Variants in SLC35F4 observed in about 807,000 individuals in gnomAD.
The protein encoded by SLC35F4 is solute carrier family 35 member F4, also known as chromosome 14 open reading frame 36.
SLC35F4 carries 24 observed loss-of-function variants against 44.2 expected under a neutral mutation model. That is an observed-to-expected ratio of 0.54 (90% confidence interval 0.39 to 0.76). The LOEUF is 0.76. SLC35F4 is among the 30% of genes least tolerant of loss of function. SLC35F4 has a pLI of 0.00. For missense variants in SLC35F4, 562 were observed against 586.1 expected (o/e 0.96, Z 0.42); for synonymous variants, 238 against 223.6 (o/e 1.06, Z -0.57).
intron 1 of SLC35F4, among the ~76,000 whole-genome samples, chr14:57,687,586 A>T (rs978130544): frequency 2.6e-5 from 4 of 152,154 alleles, no homozygotes; most frequent in Non-Finnish European, 5.9e-5. Context: ...CAGCAGAGCT[A>T]ACACTTTCCC....
intron 1 of SLC35F4, among the ~76,000 whole-genome samples, chr14:57,871,423 T>C (rs912896336): frequency 6.8e-6 from 1 of 147,200 alleles, no homozygotes; most frequent in Non-Finnish European, 1.5e-5. Flanking sequence ...CAAATAAAGA[T>C]TTTTTTAAAC....
chr14:57,710,198 G>A (rs1364969210), intron 1 of SLC35F4, among the ~76,000 whole-genome samples: 1 of 152,230 alleles, frequency 6.6e-6, no homozygotes, highest in Non-Finnish European at 1.5e-5. Context: ...GCTAAAAGGG[G>A]CCAAGGTACT....
chr14:57,610,639 G>A (rs1555557), intron 1 of SLC35F4, among the ~76,000 whole-genome samples: 107,152 of 151,816 alleles, frequency 0.71, 38,607 homozygotes, highest in Middle Eastern at 0.79. Context: ...AATGTTGTAG[G>A]AGCATGGAAG....
intron 1 of SLC35F4, among the ~76,000 whole-genome samples, chr14:57,661,872 C>G (rs2074149015): frequency 6.6e-6 from 1 of 152,146 alleles, no homozygotes; most frequent in Non-Finnish European, 1.5e-5. Context: ...ATAATGACCA[C>G]ACACTGAGAA....
chr14:57,690,383 G>A (rs1046434887), intron 1 of SLC35F4, among the ~76,000 whole-genome samples: 3 of 152,082 alleles, frequency 2.0e-5, no homozygotes, highest in African/African-American at 7.2e-5. Context: ...AAATTCAACT[G>A]GGCTAGATTG....
rs368809910 is a variant in SLC35F4 at position 57,727,863 on chromosome 14, T to C, written c.104-133739A>G. Among the ~76,000 whole-genome samples, 62 of 152,362 alleles carry C rather than the reference T, an allele frequency of 4.1e-4. No homozygotes were observed. In the South Asian group the frequency reaches 0.012, roughly 29 times the overall value. On this transcript the variant is annotated intron_variant, in intron 1 of 7. Transcript: ENST00000556826. ...GAGGAAATCATGTATTGTGCAGCCATTGGATGAAATGTTCTGTAAATATCT... is the reference window on the plus strand; with the variant it reads ...GAGGAAATCATGTATTGTGCAGCCACTGGATGAAATGTTCTGTAAATATCT...
At chr14:57,581,092 G>C in intron 4 of SLC35F4, 122 bp downstream of exon 4, 2 of 1,015,228 alleles carry the variant, frequency 2.0e-6, no homozygotes, top group Non-Finnish European at 2.7e-6. Flanking sequence ...ATTTCGGTTT[G>C]TACTCAGAAC....
At chr14:57,701,642 A>T (rs190466509) in intron 1 of SLC35F4, among the ~76,000 whole-genome samples, 1 of 152,306 alleles carries the variant, frequency 6.6e-6, no homozygotes, top group African/African-American at 2.4e-5. Flanking sequence ...TCACGGGACC[A>T]CTGTTGCGTA....
At chr14:57,810,030 T>C (rs886327815) in intron 1 of SLC35F4, among the ~76,000 whole-genome samples, 1 of 152,232 alleles carries the variant, frequency 6.6e-6, no homozygotes, top group Non-Finnish European at 1.5e-5. Context: ...AACGATCTAC[T>C]GTCATTTTAA....
intron 1 of SLC35F4, among the ~76,000 whole-genome samples, chr14:57,675,036 T>A (rs2074644060): frequency 2.0e-5 from 3 of 152,110 alleles, no homozygotes; most frequent in Admixed American, 1.3e-4. Flanking sequence ...GAGAACTGTA[T>A]CCCAACACTG....
intron 1 of SLC35F4, among the ~76,000 whole-genome samples, chr14:57,650,240 C>G (rs141003305): frequency 7.7e-4 from 117 of 152,214 alleles, no homozygotes; most frequent in African/African-American, 2.7e-3. Flanking sequence ...TGTCTCTAGC[C>G]TTGGCTTTCC....
intron 1 of SLC35F4, among the ~76,000 whole-genome samples, chr14:57,811,149 T>C (rs911773375): frequency 1.3e-5 from 2 of 152,180 alleles, no homozygotes; most frequent in Non-Finnish European, 2.9e-5. Context: ...TGAACTTAAC[T>C]ACCCAGTATT....
chr14:57,751,080 T>C (rs1456481209), intron 1 of SLC35F4, among the ~76,000 whole-genome samples: 3 of 152,202 alleles, frequency 2.0e-5, no homozygotes, highest in Admixed American at 2.0e-4. Context: ...GTGTCAAACA[T>C]GGGGCAGGGA....
chr14:57,876,710 A>C (rs1888406879), intron 1 of SLC35F4, among the ~76,000 whole-genome samples: 1 of 152,170 alleles, frequency 6.6e-6, no homozygotes, highest in South Asian at 2.1e-4. Flanking sequence ...AAAATTCTTA[A>C]ATTTTCATAA....
chr14:57,783,711 T>C (rs1238586866), intron 1 of SLC35F4, among the ~76,000 whole-genome samples: 3 of 152,180 alleles, frequency 2.0e-5, no homozygotes, highest in Non-Finnish European at 2.9e-5. Context: ...TAAAGTCCTT[T>C]TGACATAAGA....
chr14:57,739,463 G>T (rs2076550264), intron 1 of SLC35F4, among the ~76,000 whole-genome samples: 1 of 152,182 alleles, frequency 6.6e-6, no homozygotes, highest in African/African-American at 2.4e-5. Flanking sequence ...GACTTCCTAG[G>T]TGTAATTGGG....
intron 1 of SLC35F4, among the ~76,000 whole-genome samples, chr14:57,738,748 CATATATATATATATATATATAT>C (rs36212594): frequency 1.4e-4 from 15 of 110,286 alleles, no homozygotes; most frequent in South Asian, 5.6e-4. Flanking sequence ...TTTGAATTTT[CATATATATATATATATATATAT>C]ATATATATAT....
At chr14:57,614,848 G>A (rs1183310561) in intron 1 of SLC35F4, among the ~76,000 whole-genome samples, 2 of 152,148 alleles carry the variant, frequency 1.3e-5, no homozygotes, top group African/African-American at 4.8e-5. Flanking sequence ...GCATATGAGG[G>A]GTTTGTAAGA....
chr14:57,650,124 G>A lies in SLC35F4; in HGVS notation c.104-56000C>T, dbSNP rs544259436. On this transcript the variant is annotated intron_variant, in intron 1 of 7. Transcript: ENST00000556826. ...TCCACCTTATCATTAATGTTGGAGC[G>A]CCCGAGGTCTGGTCCAGGGTCCCTT... 7.0e-3 allele frequency among the ~76,000 whole-genome samples: 1,070 copies of A among 152,002 alleles called. 8 individuals are homozygous for A. The highest frequency in any genetic ancestry group is 0.011 in the Non-Finnish European group (744 of 67,978).
Sources: gnomAD v4.1 joint callset for allele counts (sites outside exome capture counted in the v4.1 genomes callset) on GRCh38, gnomAD v4.1.1 for gene constraint, MANE v1.5 for transcripts, NCBI Gene and HGNC (gene_info 2026-07-23, HGNC 2026-07-21) for gene names.